Variants in RIC1 observed in about 807,000 individuals in gnomAD.
The protein encoded by RIC1 is RIC1 partner of RAB6A GEF complex, also known as guanine nucleotide exchange factor subunit RIC1.
A neutral mutation model predicts 169.0 loss-of-function variants in RIC1; 88 were observed. That is an observed-to-expected ratio of 0.52 (90% CI 0.44 to 0.62). The LOEUF is 0.62. Among genes scored for constraint, RIC1 ranks in the 20% least tolerant of loss-of-function variants. The pLI is 0.00. For synonymous variants in RIC1, 790 were observed against 601.5 expected (o/e 1.31, Z -4.59); for missense variants, 1,877 against 1,725.5 (o/e 1.09, Z -1.56).
intron 8 of RIC1, among the ~76,000 whole-genome samples, chr9:5,740,725 A>C (rs1321611204): frequency 6.6e-6 from 1 of 151,606 alleles, no homozygotes; most frequent in Non-Finnish European, 1.5e-5. Flanking sequence ...GATTGTGCCC[A>C]CCCAGATTAA....
downstream of RIC1, among the ~76,000 whole-genome samples, chr9:5,777,384 T>C (rs935049431): frequency 1.3e-5 from 2 of 150,852 alleles, no homozygotes; most frequent in African/African-American, 2.5e-5. Flanking sequence ...GACTCTAAAA[T>C]GTACCCATTA....
chr9:5,729,847 CTCT>C (rs888293136), intron 6 of RIC1, among the ~76,000 whole-genome samples: 80 of 118,864 alleles, frequency 6.7e-4, no homozygotes, highest in African/African-American at 2.1e-3. Context: ...TTAGAAAAAA[CTCT>C]TTTTTTTTTC....
In RIC1 at chr9:5,690,046, T is replaced by A; in HGVS notation, c.332+8T>A. On this transcript the variant is annotated splice_region_variant and intron_variant, in intron 3 of 25. Transcript: ENST00000414202. ...TGAACCAGTGTATCCCAAGTAAGTT[T>A]GTTGCCTTTCATTCTTTTAATATGT... is the stretch of plus-strand genomic sequence containing the variant. 1 of 1,559,930 alleles carries A rather than the reference T, an allele frequency of 6.4e-7. No individual in the cohort carries two copies. The highest frequency in any genetic ancestry group is 2.3e-5 in the East Asian group (1 of 44,128).
At chr9:5,696,754 A>G (rs1231844231) in intron 3 of RIC1, among the ~76,000 whole-genome samples, 3 of 152,194 alleles carry the variant, frequency 2.0e-5, no homozygotes, top group Admixed American at 2.0e-4. Context: ...GTCATATCAC[A>G]TGTCTAGTAA....
intron 14 of RIC1, 66 bp downstream of exon 14, chr9:5,753,712 T>G: frequency 1.4e-6 from 1 of 715,360 alleles, no homozygotes; most frequent in Non-Finnish European, 2.3e-6. Context: ...ATGAAATAGC[T>G]ATAAAGTTTA....
At chr9:5,749,026 A>T (rs1164147825) in intron 12 of RIC1, among the ~76,000 whole-genome samples, 1 of 152,198 alleles carries the variant, frequency 6.6e-6, no homozygotes, top group Non-Finnish European at 1.5e-5. Context: ...AAATGGGCTC[A>T]TAGAATTTTT....
intron 6 of RIC1, among the ~76,000 whole-genome samples, chr9:5,723,872 T>C (rs1242392524): frequency 6.6e-6 from 1 of 152,210 alleles, no homozygotes; most frequent in Admixed American, 6.5e-5. Context: ...TGGTTGTAGA[T>C]GTGTGGTATT....
intron 8 of RIC1, among the ~76,000 whole-genome samples, chr9:5,740,956 CCTT>C (rs1433463906): frequency 1.3e-5 from 2 of 152,142 alleles, no homozygotes; most frequent in Non-Finnish European, 2.9e-5. Context: ...CCAACTCATA[CCTT>C]CTTCTTGAGA....
intron 2 of RIC1, among the ~76,000 whole-genome samples, chr9:5,678,674 C>T (rs530217023): frequency 5.0e-4 from 76 of 152,202 alleles, no homozygotes; most frequent in East Asian, 1.4e-3. Context: ...TTGTATCTTT[C>T]GCCCACTTTT....
intron 7 of RIC1, among the ~76,000 whole-genome samples, chr9:5,733,330 C>A (rs1286031900): frequency 6.7e-6 from 1 of 149,072 alleles, no homozygotes; most frequent in Non-Finnish European, 1.5e-5. Context: ...GTGGAGCGAT[C>A]TCAGCTCACT....
chr9:5,717,196 C>T (rs956174051), intron 4 of RIC1, among the ~76,000 whole-genome samples: 2 of 152,098 alleles, frequency 1.3e-5, no homozygotes, highest in African/African-American at 4.8e-5. Context: ...TTGTTTGTTG[C>T]AGCATCACTG....
intron 1 of RIC1, among the ~76,000 whole-genome samples, chr9:5,637,469 C>A (rs1818025760): frequency 6.6e-6 from 1 of 152,134 alleles, no homozygotes; most frequent in African/African-American, 2.4e-5. Context: ...CCAAACAATC[C>A]ATATGTACTC....
chr9:5,737,772 A>G lies in RIC1; in HGVS notation c.813-678A>G, dbSNP rs555582497. Among the ~76,000 whole-genome samples the G allele has an allele frequency of 3.3e-5, 5 of 151,310 alleles. No homozygotes were observed. In the South Asian group the frequency reaches 1.0e-3, roughly 31 times the overall value. Reference sequence around the variant, plus strand: ...AACCTTACTGACAATATAGTCAATTAACACATACTTTTTATTTTATATATA... The same window carrying G: ...AACCTTACTGACAATATAGTCAATTGACACATACTTTTTATTTTATATATA... On this transcript the variant is annotated intron_variant, in intron 7 of 25. Transcript: ENST00000414202.
At chr9:5,702,663 T>TGAGTAGCTGGGACTACA (rs1301237144) in intron 3 of RIC1, among the ~76,000 whole-genome samples, 1 of 152,128 alleles carries the variant, frequency 6.6e-6, no homozygotes, top group Non-Finnish European at 1.5e-5. Flanking sequence ...TTCAGCCTCC[T>TGAGTAGCTGGGACTACA]GAGTAGCTGG....
At chr9:5,731,830 A>T (rs1824385665) in intron 6 of RIC1, among the ~76,000 whole-genome samples, 1 of 152,196 alleles carries the variant, frequency 6.6e-6, no homozygotes, top group Non-Finnish European at 1.5e-5. Context: ...AAAAAAGATC[A>T]AATACTTATT....
At chr9:5,719,357 A>G (rs1184895966) in intron 4 of RIC1, 1 of 152,250 alleles carries the variant, frequency 6.6e-6, no homozygotes, top group African/African-American at 2.4e-5. Context: ...CCCATTAAAG[A>G]AGTAAATGCT....
At chr9:5,653,484 A>G (rs1004168791) in intron 1 of RIC1, among the ~76,000 whole-genome samples, 1 of 152,224 alleles carries the variant, frequency 6.6e-6, no homozygotes, top group Non-Finnish European at 1.5e-5. Context: ...AATTTGATTG[A>G]GATTGTATTA....
At chr9:5,753,319 G>A in intron 13 of RIC1, 81 bp downstream of exon 13, 1 of 1,215,182 alleles carries the variant, frequency 8.2e-7, no homozygotes, top group Non-Finnish European at 1.2e-6. Context: ...CCCTTCAGTG[G>A]GTGTACTGAG....
chr9:5,709,449 C>T (rs892437007), intron 3 of RIC1, among the ~76,000 whole-genome samples: 1 of 152,086 alleles, frequency 6.6e-6, no homozygotes, highest in African/African-American at 2.4e-5. Context: ...TGATCAAGAG[C>T]AAAGTTCTCA....
Sources: gnomAD v4.1 joint callset for allele counts (sites outside exome capture counted in the v4.1 genomes callset) on GRCh38, gnomAD v4.1.1 for gene constraint, MANE v1.5 for transcripts, NCBI Gene and HGNC (gene_info 2026-07-23, HGNC 2026-07-21) for gene names.